TENM2: variants seen among roughly 807,000 people sequenced by gnomAD.
TENM2 encodes the protein teneurin-2.
A neutral mutation model predicts 245.2 loss-of-function variants in TENM2; 52 were observed. The observed-to-expected ratio is 0.21, with a 90% CI of 0.17 to 0.27. TENM2 has a LOEUF of 0.27. Among genes scored for constraint, TENM2 ranks in the 10% least tolerant of loss-of-function variants. The pLI, the probability that TENM2 is intolerant of heterozygous loss-of-function variation, is 1.00. For missense variants in TENM2, 3,046 were observed against 3,666.8 expected (o/e 0.83, Z 4.37); for synonymous variants, 1,363 against 1,438.9 (o/e 0.95, Z 1.19).
intron 4 of TENM2, among the ~76,000 whole-genome samples, chr5:167,990,614 A>G (rs1206489137): frequency 6.6e-6 from 1 of 152,202 alleles, no homozygotes; most frequent in Non-Finnish European, 1.5e-5. Flanking sequence ...CAATGCTGTC[A>G]TGAACACCAT....
chr5:167,377,537 AT>A (rs1760835877), intron 2 of TENM2, among the ~76,000 whole-genome samples: 1 of 152,182 alleles, frequency 6.6e-6, no homozygotes, highest in African/African-American at 2.4e-5. Flanking sequence ...TATTTTACAT[AT>A]TCAAAAGAGG....
rs1403602220 is a variant in TENM2 at position 167,473,913 on chromosome 5, G to A, written c.502+98440G>A. Among the ~76,000 whole-genome samples, 6 of 152,126 alleles carry A rather than the reference G, an allele frequency of 3.9e-5. No individual in the cohort carries two copies. In the East Asian group the frequency reaches 7.7e-4, roughly 20 times the overall value. On this transcript the variant is annotated intron_variant, in intron 2 of 28. Coordinates refer to ENST00000518659, the Ensembl canonical transcript of TENM2. ...GCATCATCAACTCAAGGGAAAATTG[G>A]AGCTTTGCAATGGGCCTGAGTTTTA...
At chr5:168,074,670 G>A (rs746606629) in intron 7 of TENM2, among the ~76,000 whole-genome samples, 4 of 152,016 alleles carry the variant, frequency 2.6e-5, no homozygotes, top group Non-Finnish European at 5.9e-5. Context: ...CTCACTCCCT[G>A]GACTCCACCA....
chr5:167,727,348 G>A (rs956365427), intron 2 of TENM2, among the ~76,000 whole-genome samples: 9 of 152,066 alleles, frequency 5.9e-5, no homozygotes, highest in Non-Finnish European at 8.8e-5. Context: ...CCCTGACCTC[G>A]TGATCCTCCC....
intron 4 of TENM2, among the ~76,000 whole-genome samples, chr5:167,986,961 G>A (rs1045078667): frequency 2.0e-5 from 3 of 152,154 alleles, no homozygotes; most frequent in South Asian, 2.1e-4. Flanking sequence ...GTGAATCAAA[G>A]CTTGAGGTTT....
At chr5:167,054,926 G>A in the TENM2 span, among the ~76,000 whole-genome samples, 1 of 152,002 alleles carries the variant, frequency 6.6e-6, no homozygotes. Flanking sequence ...AATTTAGGAT[G>A]AGTCCTTTAT....
chr5:167,750,134 G>A (rs988541109), intron 2 of TENM2, among the ~76,000 whole-genome samples: 8 of 152,174 alleles, frequency 5.3e-5, no homozygotes, highest in African/African-American at 1.9e-4. Context: ...AAGAGGGAAA[G>A]AATGAGCCAA....
At chr5:167,025,542 T>C in the TENM2 span, among the ~76,000 whole-genome samples, 1 of 152,234 alleles carries the variant, frequency 6.6e-6, no homozygotes, top group East Asian at 1.9e-4. Context: ...CAGGTGTTCA[T>C]TGCCCATATA....
intron 3 of TENM2, among the ~76,000 whole-genome samples, chr5:167,935,683 C>T (rs1027249429): frequency 1.3e-5 from 2 of 152,080 alleles, no homozygotes; most frequent in Non-Finnish European, 2.9e-5. Flanking sequence ...GAAGGTACTC[C>T]AGGATGATCT....
the TENM2 span, among the ~76,000 whole-genome samples, chr5:167,205,054 A>G: frequency 6.6e-6 from 1 of 152,156 alleles, no homozygotes. Flanking sequence ...AACACCTCAT[A>G]CAATTATTGG....
chr5:167,486,915 G>T (rs1207513343), intron 2 of TENM2, among the ~76,000 whole-genome samples: 1 of 152,100 alleles, frequency 6.6e-6, no homozygotes, highest in East Asian at 1.9e-4. Context: ...AATCAAGTGA[G>T]CAATTATGTT....
chr5:168,010,365 A>C (rs1452470566), intron 5 of TENM2, among the ~76,000 whole-genome samples: 1 of 152,230 alleles, frequency 6.6e-6, no homozygotes, highest in African/African-American at 2.4e-5. Flanking sequence ...AGTTTGGAAT[A>C]AAGTGAACAG....
intron 7 of TENM2, among the ~76,000 whole-genome samples, chr5:168,083,125 G>A (rs1488776008): frequency 6.6e-6 from 1 of 152,172 alleles, no homozygotes; most frequent in Non-Finnish European, 1.5e-5. Flanking sequence ...CGGCCACTTT[G>A]TTTACCTGCT....
intron 3 of TENM2, among the ~76,000 whole-genome samples, chr5:167,934,486 C>G (rs32422): frequency 1.1e-4 from 17 of 151,950 alleles, no homozygotes; most frequent in Non-Finnish European, 1.9e-4. Flanking sequence ...CCCCATTTGT[C>G]GTCACCTTTA....
At chr5:167,571,108 T>A (rs1020730980) in intron 2 of TENM2, among the ~76,000 whole-genome samples, 2 of 152,232 alleles carry the variant, frequency 1.3e-5, no homozygotes, top group African/African-American at 2.4e-5. Context: ...TATCCATTTT[T>A]AAAATTTTAA....
chr5:167,597,159 TCTTTTC>T (rs1285763074), intron 2 of TENM2, among the ~76,000 whole-genome samples: 5 of 99,386 alleles, frequency 5.0e-5, no homozygotes, highest in African/African-American at 1.8e-4. Flanking sequence ...TCTTTTCTTT[TCTTTTC>T]TTTTTTTTTT....
intron 2 of TENM2, among the ~76,000 whole-genome samples, chr5:167,789,525 G>A (rs1764807225): frequency 6.6e-6 from 1 of 152,154 alleles, no homozygotes; most frequent in African/African-American, 2.4e-5. Context: ...TGGTCCATGG[G>A]TCTGTCCTCT....
chr5:167,857,783 T>C lies in TENM2; in HGVS notation c.503-18203T>C, dbSNP rs558761944. ...ATAGATTTATAGTCCATTTATATCA[T>C]TTTCTATGAAGGCAGATTTTCTTCA... On this transcript the variant is annotated intron_variant, in intron 2 of 28. Coordinates refer to ENST00000518659, the Ensembl canonical transcript of TENM2. Among the ~76,000 whole-genome samples, 51 of 152,330 alleles carry C rather than the reference T, an allele frequency of 3.3e-4. 1 individual carries two copies. Among genetic ancestry groups the C allele is most frequent in the African/African-American group, 1.2e-3 (49 of 41,568 alleles).
intron 22 of TENM2, among the ~76,000 whole-genome samples, 180 bp from the exon 25 acceptor site, chr5:168,217,945 C>T (rs1241343239): frequency 6.6e-6 from 1 of 152,160 alleles, no homozygotes; most frequent in African/African-American, 2.4e-5. Flanking sequence ...ATCTCTTCTT[C>T]TCCATCACAC....
Sources: allele counts gnomAD v4.1 joint callset (sites outside exome capture counted in the v4.1 genomes callset), GRCh38; gene constraint gnomAD v4.1.1; transcripts MANE v1.5; gene names NCBI Gene and HGNC (gene_info 2026-07-23, HGNC 2026-07-21).